The following PRPF38A variants were observed in gnomAD, a reference collection of about 807,000 sequenced individuals.
The protein encoded by PRPF38A is pre-mRNA processing factor 38A.
PRPF38A carries 11 observed loss-of-function variants against 46.8 expected under a neutral mutation model. The observed-to-expected ratio is 0.24, with a 90% confidence interval of 0.15 to 0.39. PRPF38A has a LOEUF of 0.39. PRPF38A is among the 10% of genes least tolerant of loss of function. The pLI, the probability that PRPF38A is intolerant of heterozygous loss-of-function variation, is 1.00. For missense variants in PRPF38A, 261 were observed against 407.5 expected, an observed-to-expected ratio of 0.64 and a Z score of 3.10; for synonymous variants, 124 against 136.2, an observed-to-expected ratio of 0.91 and a Z score of 0.62.
chr1:52,408,351 A>G (rs1648057478), intron 2 of PRPF38A: 3 of 679,008 alleles, frequency 4.4e-6, no homozygotes, highest in Admixed American at 4.1e-5. Context: ...ATCAATATGT[A>G]TGATGTTCCC....
chr1:52,415,832 C>CTTTTTTTT lies in PRPF38A; in HGVS notation c.896+467_896+474dup, dbSNP rs71041898. Among the ~76,000 whole-genome samples the CTTTTTTTT allele has an allele frequency of 4.1e-4, 21 of 51,610 alleles. 5 individuals are homozygous for CTTTTTTTT. The highest frequency in any genetic ancestry group is 1.8e-3 in the African/African-American group (20 of 10,890). 33.9% of individuals were successfully genotyped at this position (51,610 alleles called of 152,430 possible). A position where few individuals can be genotyped will look rare whatever the true frequency, so the allele number is the denominator to read the frequency against. ...TGTGCCATATACCGTTGGGTGCACT[C>CTTTTTTTT]TTTTTTTTTTTTTTTTTTTTTTTTT... On this transcript the variant is annotated intron_variant, in intron 9 of 9. Transcript: ENST00000257181.
chr1:52,414,629 G>T lies in PRPF38A; in HGVS notation c.731G>T (p.Arg244Leu), dbSNP rs755768594. The T allele has an allele frequency of 1.6e-5, 26 of 1,613,606 alleles. No homozygotes were observed. In the East Asian group the frequency reaches 5.8e-4, roughly 36 times the overall value. ...SRSRSPRRRS[R>L]SPKRRSPSPR... The stretch of plus-strand genomic sequence containing the variant: ...TCCTCTCCTCTTTATAGGCGGAGTC[G>T]ATCTCCCAAAAGGAGAAGGTAGGCC... The change falls in exon 7 of 10, where the codon CGA (arginine) becomes CTA (leucine). Residue 244 changes from arginine to leucine, a missense_variant. This residue lies in a region of PRPF38A where 180 missense variants were observed against 221.0 expected (regional missense o/e 0.81). Transcript: ENST00000257181.
At chr1:52,406,381 A>G (rs1647997369) in intron 2 of PRPF38A, among the ~76,000 whole-genome samples, 1 of 152,192 alleles carries the variant, frequency 6.6e-6, no homozygotes, top group Admixed American at 6.5e-5. Flanking sequence ...GATTTCACAG[A>G]TTCACTAAAT....
chr1:52,408,334 A>T (rs1203431567), intron 2 of PRPF38A: 1 of 649,792 alleles, frequency 1.5e-6, no homozygotes, highest in Non-Finnish European at 2.8e-6. Context: ...GATATATTTG[A>T]AAGTTGATCA....
Position 52,406,234 on chromosome 1 carries a change from T to TC in PRPF38A, c.290+403dup, listed in dbSNP as rs879452995. 1.6e-3 allele frequency among the ~76,000 whole-genome samples: 242 copies of TC among 150,290 alleles called. 3 individuals are homozygous for TC. The highest frequency in any genetic ancestry group is 9.4e-3 in the East Asian group (48 of 5,126). The stretch of plus-strand genomic sequence containing the variant: ...GAACTCCAGACTTCAGGTAATCCCC[T>TC]CCCCCCCCGGGCCTCCCAGAGTGCT... On this transcript the variant is annotated intron_variant, in intron 2 of 9. Transcript: ENST00000257181.
intron 3 of PRPF38A, 84 bp from the exon 4 acceptor site, chr1:52,411,031 T>C (rs1385690014): frequency 2.2e-6 from 2 of 920,334 alleles, no homozygotes; most frequent in Non-Finnish European, 3.5e-6. Flanking sequence ...GATGTCCTGA[T>C]ATGAAGTCTT....
At position 52,418,382 on chromosome 1, in the gene PRPF38A, G is replaced by A. The variant is rs1392843315; in HGVS notation, c.*1692G>A. On this transcript the variant is annotated 3_prime_UTR_variant, in exon 10 of 10. Coordinates refer to ENST00000257181, the MANE Select transcript of PRPF38A (RefSeq NM_032864.4). ...ATCTAGGTAGAAAGAAATGTCTTCT[G>A]GCATGGACAGAAATGACCCATGGAC... 6.6e-6 allele frequency: 1 copy of A among 152,054 alleles called. No homozygotes were observed. The highest frequency in any genetic ancestry group is 1.5e-5 in the Non-Finnish European group (1 of 68,012). The allele number at this position is 152,054 out of a possible 1,614,324, so 9.4% of individuals were successfully genotyped here. A position where few individuals can be genotyped will look rare whatever the true frequency, so the allele number is the denominator to read the frequency against.
chr1:52,409,822 A>G (rs1648097296), intron 3 of PRPF38A, among the ~76,000 whole-genome samples: 1 of 152,098 alleles, frequency 6.6e-6, no homozygotes, highest in Non-Finnish European at 1.5e-5. Context: ...ATTTTGGGTC[A>G]TATAACTTTT....
At chr1:52,405,111 G>T (rs747084373) in intron 1 of PRPF38A, among the ~76,000 whole-genome samples, 2 of 152,224 alleles carry the variant, frequency 1.3e-5, no homozygotes, top group Non-Finnish European at 2.9e-5. Flanking sequence ...GGTGTTGTGA[G>T]TTATTCCGTA....
In PRPF38A at chr1:52,404,698, G is replaced by A; in HGVS notation, c.-52G>A. On this transcript the variant is annotated 5_prime_UTR_variant, in exon 1 of 10. Coordinates refer to ENST00000257181, the MANE Select transcript of PRPF38A (RefSeq NM_032864.4). Reference sequence around the variant, plus strand: ...TCCTCTAGGTGCTTTTTCTGAACCTGGATGTGAGGCATTAAAGGATCCGAC... The same window carrying A: ...TCCTCTAGGTGCTTTTTCTGAACCTAGATGTGAGGCATTAAAGGATCCGAC... The A allele has an allele frequency of 6.3e-7, 1 of 1,588,720 alleles. No individual in the cohort carries two copies. Among genetic ancestry groups the A allele is most frequent in the Middle Eastern group, 1.8e-4 (1 of 5,622 alleles).
At chr1:52,407,122 A>G (rs1226338312) in intron 2 of PRPF38A, among the ~76,000 whole-genome samples, 1 of 152,056 alleles carries the variant, frequency 6.6e-6, no homozygotes, top group Admixed American at 6.5e-5. Context: ...GGTTCATGCC[A>G]TTCTCCTGCC....
rs557595025 is a variant in PRPF38A, at chr1:52,419,556, A to G, written c.*2866A>G. Reference sequence around the variant, plus strand: ...AAGGTTAATGTGACAGAAATTCTCCACCTGCTCAAAAAAGACAGCAGACAT... The same window carrying G: ...AAGGTTAATGTGACAGAAATTCTCCGCCTGCTCAAAAAAGACAGCAGACAT... On this transcript the variant is annotated 3_prime_UTR_variant, in exon 10 of 10. Coordinates refer to ENST00000257181, the MANE Select transcript of PRPF38A (RefSeq NM_032864.4). 6.6e-6 allele frequency: 1 copy of G among 152,042 alleles called. No homozygotes were observed. Among genetic ancestry groups the G allele is most frequent in the South Asian group, 2.1e-4 (1 of 4,800 alleles). The allele number at this position is 152,042 out of a possible 1,614,324, so 9.4% of individuals were successfully genotyped here.
In PRPF38A at chr1:52,419,251, G is replaced by C. The variant is rs1648400548; in HGVS notation, c.*2561G>C. 1 of 152,274 alleles carries C rather than the reference G, an allele frequency of 6.6e-6. No individual in the cohort carries two copies. 9.4% of individuals were successfully genotyped at this position (152,274 alleles called of 1,614,324 possible). On this transcript the variant is annotated 3_prime_UTR_variant, in exon 10 of 10. Transcript: ENST00000257181. ...CATGCCTGTAATCCCAGTTACTTGG[G>C]AGGCTGAGGCAGGAGAATCGCTTGA...
chr1:52,418,751 A>G lies in PRPF38A; in HGVS notation c.*2061A>G, dbSNP rs926943039. The G allele has an allele frequency of 2.6e-5, 4 of 152,218 alleles. No individual in the cohort carries two copies. The highest frequency in any genetic ancestry group is 7.2e-5 in the African/African-American group (3 of 41,460). The allele number at this position is 152,218 out of a possible 1,614,324, so 9.4% of individuals were successfully genotyped here. ...TGCTGTAAGGCTCTTTCTGTCATCT[A>G]TGTGCTTGCCTATGGATGAAGCATT... On this transcript the variant is annotated 3_prime_UTR_variant, in exon 10 of 10. Transcript: ENST00000257181.
intron 4 of PRPF38A, 99 bp from the exon 5 acceptor site, chr1:52,412,415 C>T (rs1339378230): frequency 2.3e-5 from 16 of 708,226 alleles, no homozygotes; most frequent in Admixed American, 2.9e-5. Context: ...AATGAAATTG[C>T]CTCAGCTGTT....
chr1:52,416,313 CCTT>C (rs1409732568), intron 9 of PRPF38A, among the ~76,000 whole-genome samples: 1 of 150,550 alleles, frequency 6.6e-6, no homozygotes, highest in Non-Finnish European at 1.5e-5. Context: ...TCTCAGGACT[CCTT>C]TTTTTTTTTT....
intron 1 of PRPF38A, 56 bp from the exon 2 acceptor site, chr1:52,405,624 C>G: frequency 8.3e-6 from 13 of 1,566,280 alleles, no homozygotes; most frequent in Non-Finnish European, 1.1e-5. Flanking sequence ...ACTAACTCCA[C>G]TCCAACTAGG....
Position 52,404,602 on chromosome 1 carries a change from A to T in PRPF38A, c.-148A>T. 1.3e-6 allele frequency: 1 copy of T among 786,940 alleles called. No homozygotes were observed. Among genetic ancestry groups the T allele is most frequent in the Non-Finnish European group, 2.0e-6 (1 of 505,154 alleles). 48.7% of individuals were successfully genotyped at this position (786,940 alleles called of 1,614,324 possible). ...GCGACGCGGGGAGCGGAAGCCCTTT[A>T]CACTACGGTGTTTCCGGCTTCAAGA... On this transcript the variant is annotated 5_prime_UTR_variant, in exon 1 of 10. Transcript: ENST00000257181.
At chr1:52,414,032 C>A in intron 6 of PRPF38A, 41 bp downstream of exon 6, 2 of 1,354,078 alleles carry the variant, frequency 1.5e-6, no homozygotes, top group Non-Finnish European at 2.1e-6. Flanking sequence ...AGATTTTGAG[C>A]ACTGTAGCCT....
Sources: allele counts gnomAD v4.1 joint callset (sites outside exome capture counted in the v4.1 genomes callset), GRCh38; gene constraint gnomAD v4.1.1; regional missense constraint gnomAD v4.1.1; transcripts MANE v1.5; gene names NCBI Gene and HGNC (gene_info 2026-07-23, HGNC 2026-07-21).